Variants in MDN1 observed in about 807,000 individuals in gnomAD.
MDN1 encodes the protein midasin.
MDN1 carries 266 observed loss-of-function variants against 669.2 expected under a neutral mutation model. That is an observed-to-expected ratio of 0.40 (90% CI 0.36 to 0.44). MDN1 has a LOEUF of 0.44. Ranked by LOEUF, MDN1 falls within the 20% of genes least tolerant of loss-of-function variation. The pLI, the probability that MDN1 is intolerant of heterozygous loss-of-function variation, is 1.00. For missense variants in MDN1, 5,940 were observed against 6,754.0 expected (o/e 0.88, Z 4.22); for synonymous variants, 2,385 against 2,457.1 (o/e 0.97, Z 0.87).
intron 101 of MDN1, 105 bp from the exon 102 acceptor site, chr6:89,644,298 T>TA: frequency 1.2e-6 from 1 of 866,306 alleles, no homozygotes; most frequent in South Asian, 1.9e-5. Context: ...TCCTGTGTCT[T>TA]ATTCCTGCAT....
chr6:89,684,884 CT>C lies in MDN1; in HGVS notation c.11820del (p.Glu3941AsnfsTer23). The C allele has an allele frequency of 6.3e-7, 1 of 1,598,918 alleles. No homozygotes were observed. Among genetic ancestry groups the C allele is most frequent in the Non-Finnish European group, 8.6e-7 (1 of 1,166,648 alleles). ...ACAGCTGTTCATCTTACTTTAAGTTCTTTTTCTAGGGGGGAACGAAGTTCCA... is the reference window on the plus strand; with the variant it reads ...ACAGCTGTTCATCTTACTTTAAGTTCTTTTCTAGGGGGGAACGAAGTTCCA... ...KIVELRSPLEKELKEFVKISK... is the reference protein window; with the variant it reads ...KIVELRSPLEXELKEFVKISK... On this transcript the variant is annotated frameshift_variant, in exon 71 of 102. Coordinates refer to ENST00000369393, the MANE Select transcript of MDN1 (RefSeq NM_014611.3). LOFTEE classifies it high-confidence loss of function.
In MDN1 at chr6:89,803,683, G is replaced by A. The variant is rs1392285197; in HGVS notation, c.103-129C>T. On this transcript the variant is annotated intron_variant, in intron 1 of 101. Coordinates refer to ENST00000369393, the MANE Select transcript of MDN1 (RefSeq NM_014611.3). ...TGCAAGCTCCACCTCCCGGGTTCAT[G>A]CCATTCTCCTGCCCGAGCCGCCCAA... The A allele has an allele frequency of 4.3e-6, 3 of 691,508 alleles. No homozygotes were observed. In the Admixed American group the frequency reaches 8.2e-5, roughly 19 times the overall value. 42.8% of individuals were successfully genotyped at this position (691,508 alleles called of 1,614,324 possible).
In MDN1 at chr6:89,662,884, G is replaced by C. The variant is rs753520904; in HGVS notation, c.14320C>G (p.Leu4774Val). ...TCATCACCCCAAAGCCTCTCATCTA[G>C]TTTGTCAGCTTCCTCACCATTGAGA... ...GDLNGEEADKLDERLWGDDDE... is the reference protein window; with the variant it reads ...GDLNGEEADKVDERLWGDDDE... The change falls in exon 86 of 102, where the codon CTA (leucine) becomes GTA (valine). Residue 4774 changes from leucine to valine, a missense_variant. Transcript: ENST00000369393. 2.5e-6 allele frequency: 4 copies of C among 1,613,910 alleles called. No homozygotes were observed. The South Asian group carries it at 3.3e-5, about 13-fold the overall frequency.
intron 18 of MDN1, 96 bp downstream of exon 18, chr6:89,758,720 C>A (rs1817381337): frequency 1.5e-6 from 2 of 1,313,238 alleles, no homozygotes; most frequent in Non-Finnish European, 1.1e-6. Context: ...ATTGGGAGGC[C>A]CATGTCATCC....
rs888092351 is a variant in MDN1, at chr6:89,692,817, A to G, written c.10213T>C (p.Leu3405=). ...DAVSPLQASI[L]QLQHGMRLVA... is the part of the protein sequence containing the mutation. ...AGCCTCATGCCATGTTGTAACTGCA[A>G]TATGGATGCCTGCAGTGGGCTCACG... is the stretch of plus-strand genomic sequence containing the variant. Residue 3405 remains leucine, a synonymous_variant, in exon 63 of 102, where the codon TTG becomes CTG. Coordinates refer to ENST00000369393, the MANE Select transcript of MDN1 (RefSeq NM_014611.3). 6.2e-7 allele frequency: 1 copy of G among 1,614,234 alleles called. No homozygotes were observed. The highest frequency in any genetic ancestry group is 8.5e-7 in the Non-Finnish European group (1 of 1,180,044).
intron 71 of MDN1, among the ~76,000 whole-genome samples, chr6:89,684,409 AG>A (rs1032816917): frequency 2.6e-5 from 4 of 151,512 alleles, no homozygotes; most frequent in Admixed American, 2.0e-4. Flanking sequence ...AAAAAAAAAA[AG>A]AGTGCTGCTA....
At chr6:89,778,253 G>A (rs761022925) in intron 11 of MDN1, among the ~76,000 whole-genome samples, 24 of 149,036 alleles carry the variant, frequency 1.6e-4, no homozygotes, top group South Asian at 6.4e-4. Context: ...AATTGCTTTC[G>A]TCTCAGTGGT....
At chr6:89,735,700 T>C (rs1815926882) in intron 33 of MDN1, among the ~76,000 whole-genome samples, 1 of 152,154 alleles carries the variant, frequency 6.6e-6, no homozygotes, top group Non-Finnish European at 1.5e-5. Context: ...AGGATCAGAA[T>C]TCAATTTAGA....
At chr6:89,804,659 AG>A (rs1476398876) in intron 1 of MDN1, among the ~76,000 whole-genome samples, 1 of 152,204 alleles carries the variant, frequency 6.6e-6, no homozygotes, top group African/African-American at 2.4e-5. Context: ...AAGCTGATCA[AG>A]GCATCAGCCT....
intron 15 of MDN1, among the ~76,000 whole-genome samples, chr6:89,765,065 G>C (rs775601914): frequency 1.3e-5 from 2 of 152,116 alleles, no homozygotes; most frequent in East Asian, 1.9e-4. Flanking sequence ...GATGATCCTG[G>C]CTAACATGGT....
At chr6:89,644,858 A>G (rs1352189034) in intron 101 of MDN1, among the ~76,000 whole-genome samples, 157 bp downstream of exon 101, 4 of 152,188 alleles carry the variant, frequency 2.6e-5, no homozygotes, top group African/African-American at 9.7e-5. Flanking sequence ...TTAATAGAGA[A>G]AATACTTACA....
At chr6:89,727,668 T>C (rs1815326228) in intron 37 of MDN1, among the ~76,000 whole-genome samples, 165 bp downstream of exon 37, 1 of 152,230 alleles carries the variant, frequency 6.6e-6, no homozygotes, top group Admixed American at 6.5e-5. Context: ...TTCTGCCAAG[T>C]GACCTTCCTC....
chr6:89,817,835 G>A (rs1319492705), intron 1 of MDN1, among the ~76,000 whole-genome samples: 2 of 1,900 alleles, frequency 1.1e-3, no homozygotes, highest in South Asian at 0.17. Flanking sequence ...CATTTACGAC[G>A]GATAACTGTT....
rs1425529876 is a variant in MDN1 at position 89,678,692 on chromosome 6, C to T, written c.12319G>A (p.Ala4107Thr). Residue 4107 changes from alanine to threonine, a missense_variant, in exon 75 of 102, where the codon GCA (alanine) becomes ACA (threonine). Transcript: ENST00000369393. Reference sequence around the variant, plus strand: ...TCTGACCGCTGCTTCTCCTTCTCTGCAGAGGGTTCCACCTTTAAGCTCTGC... The same window carrying T: ...TCTGACCGCTGCTTCTCCTTCTCTGTAGAGGGTTCCACCTTTAAGCTCTGC... ...ELQSLKVEPSAEKEKQRSEAK... is the reference protein window; with the variant it reads ...ELQSLKVEPSTEKEKQRSEAK... The T allele has an allele frequency of 1.2e-6, 2 of 1,614,092 alleles. No homozygotes were observed. Among genetic ancestry groups the T allele is most frequent in the Non-Finnish European group, 1.7e-6 (2 of 1,179,972 alleles).
At chr6:89,646,441 T>C in intron 100 of MDN1, 99 bp downstream of exon 100, 2 of 948,304 alleles carry the variant, frequency 2.1e-6, no homozygotes, top group Non-Finnish European at 3.3e-6. Context: ...GCATACCTAT[T>C]AAAACACAGT....
chr6:89,670,634 C>G (rs1385243166), intron 83 of MDN1, among the ~76,000 whole-genome samples: 3 of 152,046 alleles, frequency 2.0e-5, no homozygotes, highest in African/African-American at 7.3e-5. Context: ...AGGGTGTTAA[C>G]AGACGGCAGC....
chr6:89,692,140 A>G (rs1262167897), intron 63 of MDN1, among the ~76,000 whole-genome samples: 1 of 152,228 alleles, frequency 6.6e-6, no homozygotes, highest in Non-Finnish European at 1.5e-5. Context: ...TCTTAATGCA[A>G]GTTGACATAA....
At chr6:89,808,276 G>C (rs1768144348) in intron 1 of MDN1, among the ~76,000 whole-genome samples, 1 of 152,006 alleles carries the variant, frequency 6.6e-6, no homozygotes. Flanking sequence ...GAACGTTGTA[G>C]ATGTGTCTAG....
intron 33 of MDN1, among the ~76,000 whole-genome samples, chr6:89,736,781 C>T (rs772684626): frequency 2.6e-5 from 4 of 152,130 alleles, no homozygotes; most frequent in Non-Finnish European, 5.9e-5. Flanking sequence ...GTGACAGAGA[C>T]CTTGTCTCCC....
Sources: allele counts gnomAD v4.1 joint callset (sites outside exome capture counted in the v4.1 genomes callset), GRCh38; gene constraint gnomAD v4.1.1; transcripts MANE v1.5; gene names NCBI Gene and HGNC (gene_info 2026-07-23, HGNC 2026-07-21).